Variants in UNC80 observed in about 807,000 individuals in gnomAD.
UNC80 encodes protein unc-80 homolog.
UNC80 carries 164 observed loss-of-function variants against 384.6 expected under a neutral mutation model. The ratio of observed to expected loss-of-function variants is 0.43; its 90% confidence interval spans 0.38 to 0.49. The LOEUF (loss-of-function observed/expected upper bound fraction) is 0.49, where lower values mean the gene tolerates loss of function less well. Ranked by LOEUF, UNC80 falls within the 20% of genes least tolerant of loss-of-function variation. The pLI, the probability that UNC80 is intolerant of heterozygous loss-of-function variation, is 0.00. For missense variants in UNC80, 3,330 were observed against 4,143.0 expected, an observed-to-expected ratio of 0.80 and a Z score of 5.39; for synonymous variants, 1,486 against 1,527.8, an observed-to-expected ratio of 0.97 and a Z score of 0.64.
At position 209,995,636 on chromosome 2, in the gene UNC80, A is replaced by C; in HGVS notation, c.*41A>C. ...GCTCTGCAGGTATAGAGAAGACATGAAAGTGATCTCTCTACTACAAGTTCA... is the reference window on the plus strand; with the variant it reads ...GCTCTGCAGGTATAGAGAAGACATGCAAGTGATCTCTCTACTACAAGTTCA... On this transcript the variant is annotated 3_prime_UTR_variant, in exon 65 of 65. Transcript: ENST00000673920. 1 of 1,540,372 alleles carries C rather than the reference A, an allele frequency of 6.5e-7. No homozygotes were observed.
intron 21 of UNC80, 35 bp from the exon 22 acceptor site, chr2:209,849,416 T>A (rs1445042880): frequency 6.5e-7 from 1 of 1,548,468 alleles, no homozygotes; most frequent in South Asian, 1.2e-5. Context: ...ACGTTCTCTC[T>A]CTTTCATTCC....
rs1467068882 is a variant in UNC80 at position 209,973,242 on chromosome 2, T to G, written c.8559T>G (p.Ala2853=). The G allele has an allele frequency of 6.4e-7, 1 of 1,551,722 alleles. No homozygotes were observed. Among genetic ancestry groups the G allele is most frequent in the African/African-American group, 1.4e-5 (1 of 73,174 alleles). ...AAGACTTGCGCAGGGAAGGGCTGGC[T>G]GAGTCCACCAGCCAAGCAGCATACT... is the stretch of plus-strand genomic sequence containing the variant. ...AGKDLRREGL[A]ESTSQAAYLA... Residue 2853 remains alanine (A), a synonymous_variant, in exon 56 of 65, where the codon GCT becomes GCG. Coordinates refer to ENST00000673920, the MANE Select transcript of UNC80 (RefSeq NM_001371986.1).
At chr2:209,987,115 C>T (rs746926074) in intron 61 of UNC80, among the ~76,000 whole-genome samples, 11 of 152,186 alleles carry the variant, frequency 7.2e-5, no homozygotes, top group Admixed American at 3.9e-4. Flanking sequence ...AAATAATAAA[C>T]TCTGCTGCTC....
Position 209,978,031 on chromosome 2 carries a change from C to T in UNC80, c.8939-498C>T, listed in dbSNP as rs375239030. On this transcript the variant is annotated intron_variant, in intron 58 of 64. Transcript: ENST00000673920. ...AATATTCTACTTTGTAATAAAATAA[C>T]CTGACATAGAACTGAGGGATATTTT... 8.5e-5 allele frequency among the ~76,000 whole-genome samples: 13 copies of T among 152,222 alleles called. No homozygotes were observed. In the East Asian group the frequency reaches 2.3e-3, roughly 27 times the overall value.
chr2:209,784,292 A>C (rs935486429), intron 4 of UNC80, among the ~76,000 whole-genome samples: 4 of 152,104 alleles, frequency 2.6e-5, no homozygotes, highest in African/African-American at 9.7e-5. Flanking sequence ...AACTATTCTC[A>C]ACAGCCTGAG....
chr2:209,996,751 G>A lies in UNC80; in HGVS notation c.*1156G>A, dbSNP rs1263513458. ...TGAGGCCAACACCTAGTGTGTTACT[G>A]ATCCTATGGTAGGGCTGTGCATCAC... On this transcript the variant is annotated 3_prime_UTR_variant, in exon 65 of 65. Transcript: ENST00000673920. 6.6e-6 allele frequency: 1 copy of A among 152,198 alleles called. No homozygotes were observed. The highest frequency in any genetic ancestry group is 6.5e-5 in the Admixed American group (1 of 15,272). The allele number at this position is 152,198 out of a possible 1,614,324, so 9.4% of individuals were successfully genotyped here.
chr2:209,832,305 A>G (rs1357898303), intron 16 of UNC80, among the ~76,000 whole-genome samples: 1 of 152,136 alleles, frequency 6.6e-6, no homozygotes, highest in African/African-American at 2.4e-5. Context: ...AACCTATAGA[A>G]ATAAAAAAAT....
intron 18 of UNC80, among the ~76,000 whole-genome samples, chr2:209,838,731 G>A (rs1210323028): frequency 1.3e-5 from 2 of 152,120 alleles, no homozygotes; most frequent in African/African-American, 2.4e-5. Context: ...GCAGGCTGAG[G>A]CAGACGGATC....
intron 28 of UNC80, among the ~76,000 whole-genome samples, chr2:209,901,660 T>C (rs981187702): frequency 6.6e-6 from 1 of 152,050 alleles, no homozygotes; most frequent in Non-Finnish European, 1.5e-5. Flanking sequence ...GGTGTGGTGG[T>C]TCACACCTGT....
At chr2:209,979,873 G>A (rs1559433441) in intron 59 of UNC80, among the ~76,000 whole-genome samples, 1 of 152,186 alleles carries the variant, frequency 6.6e-6, no homozygotes, top group Non-Finnish European at 1.5e-5. Context: ...ACTAAATTAA[G>A]TAGAAGAAAC....
chr2:209,947,348 C>A (rs2091959664), intron 47 of UNC80, among the ~76,000 whole-genome samples: 1 of 152,164 alleles, frequency 6.6e-6, no homozygotes, highest in South Asian at 2.1e-4. Flanking sequence ...TCCAATATTC[C>A]TGCAACATAG....
At chr2:209,836,320 C>T (rs1369114234) in intron 18 of UNC80, among the ~76,000 whole-genome samples, 1 of 151,284 alleles carries the variant, frequency 6.6e-6, no homozygotes, top group Non-Finnish European at 1.5e-5. Context: ...GCTTTATACT[C>T]AGAAAGTCTG....
chr2:209,971,353 T>G (rs981962074), intron 54 of UNC80, among the ~76,000 whole-genome samples: 13 of 152,096 alleles, frequency 8.5e-5, no homozygotes, highest in Non-Finnish European at 1.6e-4. Flanking sequence ...CACTAGACTT[T>G]GAATATCTTA....
intron 47 of UNC80, among the ~76,000 whole-genome samples, chr2:209,947,878 A>C (rs964792315): frequency 3.3e-5 from 5 of 152,190 alleles, no homozygotes; most frequent in Non-Finnish European, 7.4e-5. Context: ...CTGATTTCTA[A>C]TATGATAAAT....
At chr2:209,810,019 C>T (rs2079217022) in intron 7 of UNC80, among the ~76,000 whole-genome samples, 1 of 152,316 alleles carries the variant, frequency 6.6e-6, no homozygotes, top group East Asian at 1.9e-4. Flanking sequence ...CCACCCTCCG[C>T]GAGGTTTGAC....
chr2:209,928,435 A>G (rs1217201208), intron 36 of UNC80, among the ~76,000 whole-genome samples: 1 of 152,152 alleles, frequency 6.6e-6, no homozygotes, highest in Non-Finnish European at 1.5e-5. Context: ...TGATGAGTGG[A>G]CTTCCCAGTC....
chr2:209,834,146 T>C lies in UNC80; in HGVS notation c.2920T>C (p.Ser974Pro). ...GKKVEENEQESKPAGSKRSEA... is the reference protein window; with the variant it reads ...GKKVEENEQEPKPAGSKRSEA... ...AAAGGTGGAGGAGAATGAACAGGAATCTAAGCCTGCAGGCAGTAAAAGGTT... is the reference window on the plus strand; with the variant it reads ...AAAGGTGGAGGAGAATGAACAGGAACCTAAGCCTGCAGGCAGTAAAAGGTT... The change falls in exon 17 of 65, where the codon TCT becomes CCT. Residue 974 changes from serine to proline, a missense_variant. Transcript: ENST00000673920. The C allele has an allele frequency of 6.4e-7, 1 of 1,551,558 alleles. No homozygotes were observed. The highest frequency in any genetic ancestry group is 8.7e-7 in the Non-Finnish European group (1 of 1,146,892).
intron 17 of UNC80, 129 bp downstream of exon 17, chr2:209,834,297 G>A: frequency 1.0e-6 from 1 of 985,032 alleles, no homozygotes; most frequent in South Asian, 1.8e-5. Context: ...TTGCGTAAGT[G>A]GTTTCACTGG....
rs764130569 is a variant in UNC80, at chr2:209,954,173, G to A, written c.7360G>A (p.Val2454Met). ...AAAGCTAAAGAGGCAGACATCACAG[G>A]TGGAGACAGTACCTGCTGCCCGAGA... ...LQKLKRQTSQ[V>M]ETVPAAREEI... is the part of the protein sequence containing the mutation. The change falls in exon 48 of 65, where the codon GTG (valine) becomes ATG (methionine). Residue 2454 changes from valine (V) to methionine (M), a missense_variant. Val to Met is a conservative substitution (Grantham distance 21, BLOSUM62 1). Transcript: ENST00000673920. 8 of 1,551,018 alleles carry A rather than the reference G, an allele frequency of 5.2e-6. No homozygotes were observed. The highest frequency in any genetic ancestry group is 2.0e-5 in the Admixed American group (1 of 50,978).
Sources: gnomAD v4.1 joint callset for allele counts (sites outside exome capture counted in the v4.1 genomes callset) on GRCh38, gnomAD v4.1.1 for gene constraint, MANE v1.5 for transcripts, NCBI Gene and HGNC (gene_info 2026-07-23, HGNC 2026-07-21) for gene names.